STAMBP: variants seen among roughly 807,000 people sequenced by gnomAD.
STAMBP encodes STAM binding protein.
STAMBP carries 31 observed loss-of-function variants against 50.7 expected under a neutral mutation model. That is an observed-to-expected ratio of 0.61 (90% CI 0.46 to 0.83). The LOEUF (loss-of-function observed/expected upper bound fraction) is 0.83, where lower values mean the gene tolerates loss of function less well. Ranked by LOEUF, STAMBP falls within the 40% of genes least tolerant of loss-of-function variation. The probability of loss-of-function intolerance (pLI) is 0.00; values close to 1 mark genes in which losing one functional copy is unlikely to be tolerated. For missense variants in STAMBP, 472 were observed against 518.9 expected (o/e 0.91, Z 0.88); for synonymous variants, 211 against 192.4 (o/e 1.10, Z -0.80).
chr2:73,859,390 G>A, intron 8 of STAMBP, 24 bp downstream of exon 8: 1 of 1,595,106 alleles, frequency 6.3e-7, no homozygotes, highest in Middle Eastern at 1.7e-4. Context: ...GCATGGTTCT[G>A]GGTGTTTCAA....
chr2:73,845,381 C>A, intron 4 of STAMBP, 119 bp downstream of exon 4: 1 of 711,568 alleles, frequency 1.4e-6, no homozygotes, highest in Non-Finnish European at 2.3e-6. Context: ...CTTTTTTGGG[C>A]AAAGACCAGA....
At chr2:73,832,597 A>AT (rs1454150522) in intron 2 of STAMBP, among the ~76,000 whole-genome samples, 2 of 152,064 alleles carry the variant, frequency 1.3e-5, no homozygotes, top group African/African-American at 4.8e-5. Context: ...GTTTTATCAC[A>AT]TTAAGTTTTT....
intron 7 of STAMBP, among the ~76,000 whole-genome samples, chr2:73,856,115 G>A (rs1007224342): frequency 2.0e-5 from 3 of 152,022 alleles, no homozygotes; most frequent in African/African-American, 4.8e-5. Flanking sequence ...ACAAATAATC[G>A]GGATGCACAT....
chr2:73,831,346 A>T (rs980086252), intron 2 of STAMBP, among the ~76,000 whole-genome samples: 1 of 152,252 alleles, frequency 6.6e-6, no homozygotes, highest in Non-Finnish European at 1.5e-5. Flanking sequence ...TTATGTTCTG[A>T]TGAATGCTTT....
At chr2:73,858,708 T>C (rs1459096612) in intron 7 of STAMBP, among the ~76,000 whole-genome samples, 2 of 152,216 alleles carry the variant, frequency 1.3e-5, no homozygotes, top group Admixed American at 1.3e-4. Context: ...CACATACTGG[T>C]ATTAAGCAAT....
At chr2:73,845,582 T>G (rs141960408) in intron 4 of STAMBP, among the ~76,000 whole-genome samples, 1 of 152,280 alleles carries the variant, frequency 6.6e-6, no homozygotes, top group African/African-American at 2.4e-5. Flanking sequence ...GAGGGTTGGA[T>G]TCACATTTGG....
rs965283511 is a variant in STAMBP, at chr2:73,865,106, G to C, written c.*2847G>C. 6.6e-6 allele frequency: 1 copy of C among 152,182 alleles called. No individual in the cohort carries two copies. Among genetic ancestry groups the C allele is most frequent in the African/African-American group, 2.4e-5 (1 of 41,440 alleles). 9.4% of individuals were successfully genotyped at this position (152,182 alleles called of 1,614,324 possible). On this transcript the variant is annotated 3_prime_UTR_variant, in exon 10 of 10. Coordinates refer to ENST00000394070, the MANE Select transcript of STAMBP (RefSeq NM_213622.4). ...GGTACCACAGAATTTAAAATTGTAA[G>C]TGCCTATCCCTTTTGACTGTTGATG...
chr2:73,838,690 T>C (rs1025695119), intron 2 of STAMBP, among the ~76,000 whole-genome samples: 2 of 152,232 alleles, frequency 1.3e-5, no homozygotes, highest in South Asian at 2.1e-4. Flanking sequence ...AAGACTGATA[T>C]GGGGAGTTTG....
intron 1 of STAMBP, 137 bp from the exon 2 acceptor site, chr2:73,830,708 T>C (rs540378531): frequency 1.4e-6 from 1 of 697,122 alleles, no homozygotes; most frequent in Admixed American, 2.9e-5. Flanking sequence ...AGGAAAGTCC[T>C]TATTTAATAG....
At chr2:73,852,060 A>G (rs1676885090) in intron 7 of STAMBP, among the ~76,000 whole-genome samples, 1 of 152,216 alleles carries the variant, frequency 6.6e-6, no homozygotes, top group South Asian at 2.1e-4. Flanking sequence ...GAGCAATGAT[A>G]TGATTAAAGC....
At chr2:73,868,966 G>A (rs1185857240), downstream of STAMBP, among the ~76,000 whole-genome samples, 3 of 152,168 alleles carry the variant, frequency 2.0e-5, no homozygotes, top group South Asian at 6.2e-4. Context: ...TACTTAATAA[G>A]CAAACACTGC....
At chr2:73,837,309 G>A (rs1320571107) in intron 2 of STAMBP, among the ~76,000 whole-genome samples, 1 of 152,120 alleles carries the variant, frequency 6.6e-6, no homozygotes, top group Non-Finnish European at 1.5e-5. Flanking sequence ...CATTAGGCCG[G>A]GCACAGTGGC....
At chr2:73,872,425 G>A (rs758838740) in intron 10 of STAMBP, among the ~76,000 whole-genome samples, 2 of 152,218 alleles carry the variant, frequency 1.3e-5, no homozygotes, top group Non-Finnish European at 1.5e-5. Context: ...AAGGTGGGTC[G>A]CACATCCAGG....
Position 73,862,186 on chromosome 2 carries a change from C to T in STAMBP, c.1219-17C>T, listed in dbSNP as rs775858110. On this transcript the variant is annotated splice_polypyrimidine_tract_variant and intron_variant, in intron 9 of 9. Transcript: ENST00000394070. ...CAGAATTTTCTAGGACTCCACCTTT[C>T]TTTTTTCCTATTGCAGAGCTGCAGC... 5 of 1,587,342 alleles carry T rather than the reference C, an allele frequency of 3.1e-6. No individual in the cohort carries two copies. The highest frequency in any genetic ancestry group is 2.7e-5 in the African/African-American group (2 of 72,864).
chr2:73,843,406 G>GTGTATATATATATATATATATA (rs1458780751), intron 2 of STAMBP, among the ~76,000 whole-genome samples: 37 of 129,924 alleles, frequency 2.8e-4, no homozygotes, highest in African/African-American at 8.7e-4. Context: ...GTTTGTGTAT[G>GTGTATATATATATATATATATA]TATATATATA....
chr2:73,832,108 T>TATATATATATATATACAC lies in STAMBP; in HGVS notation c.203+1050_203+1051insTATATATATATATACACA, dbSNP rs1006072205. ...ACATATATATATATATATATATATA[T>TATATATATATATATACAC]ACACATATATATGGTGCACAATTCA... On this transcript the variant is annotated intron_variant, in intron 2 of 9. Coordinates refer to ENST00000394070, the MANE Select transcript of STAMBP (RefSeq NM_213622.4). 2.9e-3 allele frequency among the ~76,000 whole-genome samples: 360 copies of TATATATATATATATACAC among 122,788 alleles called. 1 individual carries two copies. The highest frequency in any genetic ancestry group is 3.8e-3 in the Non-Finnish European group (233 of 61,654). 80.6% of individuals were successfully genotyped at this position (122,788 alleles called of 152,430 possible). A position where few individuals can be genotyped will look rare whatever the true frequency, so the allele number is the denominator to read the frequency against.
intron 2 of STAMBP, among the ~76,000 whole-genome samples, chr2:73,842,822 G>T (rs1173765206): frequency 6.6e-6 from 1 of 152,206 alleles, no homozygotes; most frequent in Non-Finnish European, 1.5e-5. Flanking sequence ...ACAAGGCACT[G>T]TGCTGGCTTC....
chr2:73,834,600 C>T (rs1035560364), intron 2 of STAMBP, among the ~76,000 whole-genome samples: 1 of 151,736 alleles, frequency 6.6e-6, no homozygotes, highest in Non-Finnish European at 1.5e-5. Flanking sequence ...GAAGTAAATC[C>T]GTGTATAAAT....
intron 10 of STAMBP, among the ~76,000 whole-genome samples, chr2:73,872,973 A>G (rs1432147549): frequency 6.6e-6 from 1 of 152,226 alleles, no homozygotes; most frequent in Non-Finnish European, 1.5e-5. Flanking sequence ...AACAAACCCA[A>G]CATCAGGTAG....
Sources: gnomAD v4.1 joint callset for allele counts (sites outside exome capture counted in the v4.1 genomes callset) on GRCh38, gnomAD v4.1.1 for gene constraint, MANE v1.5 for transcripts, NCBI Gene and HGNC (gene_info 2026-07-23, HGNC 2026-07-21) for gene names.